The following LINGO2 variants were observed in gnomAD, a reference collection of about 807,000 sequenced individuals.
LINGO2 encodes the protein leucine-rich repeat and immunoglobulin-like domain-containing nogo receptor-interacting protein 2.
A neutral mutation model predicts 30.6 loss-of-function variants in LINGO2; 14 were observed. The ratio of observed to expected loss-of-function variants is 0.46; its 90% CI spans 0.30 to 0.72. The LOEUF is 0.72. Ranked by LOEUF, LINGO2 falls within the 30% of genes least tolerant of loss-of-function variation. The probability of loss-of-function intolerance (pLI) is 0.07; values close to 1 mark genes in which losing one functional copy is unlikely to be tolerated. For synonymous variants in LINGO2, 317 were observed against 288.5 expected (o/e 1.10, Z -1.00); for missense variants, 729 against 751.7 (o/e 0.97, Z 0.35).
chr9:28,640,732 C>CT (rs960917669), intron 1 of LINGO2, among the ~76,000 whole-genome samples: 2 of 151,922 alleles, frequency 1.3e-5, no homozygotes, highest in Non-Finnish European at 2.9e-5. Context: ...TTCGTCTAAT[C>CT]TTTATTCAAG....
chr9:28,447,459 GT>G, intron 2 of LINGO2, among the ~76,000 whole-genome samples: 1 of 152,264 alleles, frequency 6.6e-6, no homozygotes, highest in South Asian at 2.1e-4. Context: ...GGACTTCCCA[GT>G]TTCTAGAACT....
intron 1 of LINGO2, among the ~76,000 whole-genome samples, chr9:28,548,383 C>A (rs1449215386): frequency 1.3e-5 from 2 of 152,006 alleles, no homozygotes; most frequent in East Asian, 3.9e-4. Context: ...AAAGTTGATA[C>A]CTGAACACCA....
chr9:28,869,613 G>A, the LINGO2 span, among the ~76,000 whole-genome samples: 11 of 152,070 alleles, frequency 7.2e-5, no homozygotes, highest in African/African-American at 2.4e-4. Context: ...GGTTTGAACT[G>A]TGTGGTAGAC....
At chr9:27,986,262 C>A (rs558742370) in intron 5 of LINGO2, among the ~76,000 whole-genome samples, 1 of 151,760 alleles carries the variant, frequency 6.6e-6, no homozygotes, top group South Asian at 2.1e-4. Flanking sequence ...AACACACACA[C>A]ACACACAGAG....
intron 5 of LINGO2, among the ~76,000 whole-genome samples, chr9:27,980,894 AATG>A (rs1372538574): frequency 1.3e-5 from 2 of 151,872 alleles, no homozygotes; most frequent in Non-Finnish European, 2.9e-5. Flanking sequence ...TATGTGACAT[AATG>A]AATTAGGAAC....
the LINGO2 span, among the ~76,000 whole-genome samples, chr9:28,835,489 C>A: frequency 6.6e-6 from 1 of 152,106 alleles, no homozygotes; most frequent in Non-Finnish European, 1.5e-5. Flanking sequence ...TTTGTTAATT[C>A]AATTTTCCTT....
chr9:28,506,708 A>G (rs923443283), intron 1 of LINGO2, among the ~76,000 whole-genome samples: 2 of 151,222 alleles, frequency 1.3e-5, no homozygotes, highest in African/African-American at 4.9e-5. Context: ...GATATATATC[A>G]CACAGAAAAT....
At chr9:28,167,673 C>G (rs1211097785) in intron 4 of LINGO2, among the ~76,000 whole-genome samples, 2 of 152,190 alleles carry the variant, frequency 1.3e-5, no homozygotes, top group Non-Finnish European at 1.5e-5. Flanking sequence ...AGGTGTGAGC[C>G]ACTGCACCCC....
At chr9:28,613,334 T>C (rs528022136) in intron 1 of LINGO2, among the ~76,000 whole-genome samples, 2 of 152,144 alleles carry the variant, frequency 1.3e-5, no homozygotes, top group South Asian at 4.1e-4. Context: ...TATACATATG[T>C]ATTTTCTAAA....
chr9:28,416,747 G>A (rs1053492971), intron 2 of LINGO2, among the ~76,000 whole-genome samples: 14 of 152,086 alleles, frequency 9.2e-5, no homozygotes, highest in East Asian at 3.9e-4. Context: ...GAGTGTTTTC[G>A]TCCAGAGAGC....
chr9:28,568,226 A>G (rs1051315207), intron 1 of LINGO2, among the ~76,000 whole-genome samples: 6 of 152,044 alleles, frequency 3.9e-5, no homozygotes, highest in Admixed American at 6.6e-5. Flanking sequence ...AGACAAAGAG[A>G]AAAAAACAAA....
intron 4 of LINGO2, among the ~76,000 whole-genome samples, chr9:28,073,751 G>C (rs990001643): frequency 6.6e-6 from 1 of 152,180 alleles, no homozygotes; most frequent in African/African-American, 2.4e-5. Flanking sequence ...GAAGGGGCCA[G>C]GAGCAGTGGC....
the LINGO2 span, among the ~76,000 whole-genome samples, chr9:28,767,253 T>TA: frequency 6.6e-6 from 1 of 152,188 alleles, no homozygotes; most frequent in East Asian, 1.9e-4. Context: ...CTTTCCTTAC[T>TA]AAAAAAAGGT....
At chr9:29,114,649 A>G in the LINGO2 span, among the ~76,000 whole-genome samples, 1 of 144,574 alleles carries the variant, frequency 6.9e-6, no homozygotes, top group African/African-American at 2.6e-5. Context: ...GAGAACATGC[A>G]GTGATTGGTT....
chr9:28,629,709 G>A (rs989492387), intron 1 of LINGO2, among the ~76,000 whole-genome samples: 16 of 151,972 alleles, frequency 1.1e-4, no homozygotes, highest in African/African-American at 3.1e-4. Flanking sequence ...TCTGGCAGAT[G>A]GTAGAACTAG....
At chr9:28,999,954 C>A in the LINGO2 span, among the ~76,000 whole-genome samples, 1 of 152,074 alleles carries the variant, frequency 6.6e-6, no homozygotes, top group Non-Finnish European at 1.5e-5. Flanking sequence ...ACCCCATATA[C>A]TAAATGTACT....
the LINGO2 span, among the ~76,000 whole-genome samples, chr9:28,991,124 T>G: frequency 6.6e-6 from 1 of 152,050 alleles, no homozygotes; most frequent in Non-Finnish European, 1.5e-5. Flanking sequence ...TCACAAAAAT[T>G]TAGACGAATG....
At chr9:28,224,073 T>C (rs911938752) in intron 4 of LINGO2, among the ~76,000 whole-genome samples, 11 of 152,152 alleles carry the variant, frequency 7.2e-5, no homozygotes, top group Admixed American at 4.6e-4. Context: ...AGGCAGAATT[T>C]TTTTTTTCTG....
the LINGO2 span, among the ~76,000 whole-genome samples, chr9:28,875,590 T>C: frequency 3.9e-5 from 6 of 152,092 alleles, no homozygotes; most frequent in Non-Finnish European, 5.9e-5. Context: ...TGGCATGCCC[T>C]TTATTACCAT....
Sources: gnomAD v4.1 joint callset for allele counts (sites outside exome capture counted in the v4.1 genomes callset) on GRCh38, gnomAD v4.1.1 for gene constraint, MANE v1.5 for transcripts, NCBI Gene and HGNC (gene_info 2026-07-23, HGNC 2026-07-21) for gene names.